The following LAMA2 variants were observed in gnomAD, a reference collection of about 807,000 sequenced individuals.
LAMA2 encodes laminin subunit alpha 2.
LAMA2 carries 269 observed loss-of-function variants against 364.8 expected under a neutral mutation model. The observed-to-expected ratio is 0.74, with a 90% CI of 0.67 to 0.82. The LOEUF is 0.82. LAMA2 is among the 40% of genes least tolerant of loss of function. The pLI is 0.00. For synonymous variants in LAMA2, 1,379 were observed against 1,370.6 expected (o/e 1.01, Z -0.14); for missense variants, 3,807 against 3,873.2 (o/e 0.98, Z 0.45).
chr6:129,483,582 G>A (rs2114843930), intron 55 of LAMA2, among the ~76,000 whole-genome samples: 1 of 152,184 alleles, frequency 6.6e-6, no homozygotes, highest in African/African-American at 2.4e-5. Context: ...ATGATATGTA[G>A]ATTCAATTAT....
intron 1 of LAMA2, among the ~76,000 whole-genome samples, chr6:129,009,170 C>T (rs1458728133): frequency 6.6e-6 from 1 of 151,986 alleles, no homozygotes; most frequent in African/African-American, 2.4e-5. Context: ...TACTATTTGA[C>T]TCTTTAGTCA....
chr6:129,028,883 A>G (rs1786024254), intron 1 of LAMA2, among the ~76,000 whole-genome samples: 1 of 151,864 alleles, frequency 6.6e-6, no homozygotes, highest in Non-Finnish European at 1.5e-5. Context: ...ACTTCTAGTC[A>G]TAAGCCGTTC....
chr6:129,427,846 A>T lies in LAMA2; in HGVS notation c.5960A>T (p.Asp1987Val). The T allele has an allele frequency of 1.2e-6, 2 of 1,607,308 alleles. No individual in the cohort carries two copies. Among genetic ancestry groups the T allele is most frequent in the Middle Eastern group, 1.7e-4 (1 of 6,052 alleles). The change falls in exon 41 of 65, where the codon GAT becomes GTT. Residue 1987 changes from aspartate to valine, a missense_variant. By Grantham distance (152) the Asp-to-Val change is radical. Coordinates refer to ENST00000421865, the MANE Select transcript of LAMA2 (RefSeq NM_000426.4). ...AACGAAGCCAAGAAGTTAGCAAATG[A>T]TGTAAAAGGTCAGTGTGGCCATAGT... ...ILNEAKKLAN[D>V]VKENEDHLNG...
At chr6:129,117,601 G>T (rs1234495629) in intron 4 of LAMA2, among the ~76,000 whole-genome samples, 1 of 152,278 alleles carries the variant, frequency 6.6e-6, no homozygotes, top group East Asian at 1.9e-4. Flanking sequence ...CAGAGAGGCG[G>T]CCCGTTGCCA....
chr6:129,209,765 A>T (rs774102532), intron 12 of LAMA2, among the ~76,000 whole-genome samples: 1 of 152,058 alleles, frequency 6.6e-6, no homozygotes, highest in African/African-American at 2.4e-5. Flanking sequence ...GCACTTTGGG[A>T]GGCTGAGGCG....
intron 4 of LAMA2, among the ~76,000 whole-genome samples, chr6:129,111,454 G>A (rs1157518846): frequency 1.3e-5 from 2 of 151,784 alleles, no homozygotes; most frequent in African/African-American, 4.8e-5. Context: ...TCAGTAATCA[G>A]AATTATTTAT....
chr6:129,266,771 T>C (rs1787546135), intron 15 of LAMA2, among the ~76,000 whole-genome samples: 1 of 152,132 alleles, frequency 6.6e-6, no homozygotes, highest in African/African-American at 2.4e-5. Flanking sequence ...TTTTTTACAG[T>C]ACTTTTTCTT....
chr6:129,391,783 G>C, intron 36 of LAMA2, 130 bp downstream of exon 36: 1 of 726,014 alleles, frequency 1.4e-6, no homozygotes, highest in Non-Finnish European at 2.4e-6. Flanking sequence ...TATTTGCTAT[G>C]TTATCTATCA....
At position 129,403,349 on chromosome 6, in the gene LAMA2, C is replaced by G. The variant is rs138801190; in HGVS notation, c.5727-472C>G. On this transcript the variant is annotated intron_variant, in intron 39 of 64. Coordinates refer to ENST00000421865, the MANE Select transcript of LAMA2 (RefSeq NM_000426.4). ...AGCTAGGTATCATCAGATCCAGGCT[C>G]TAAGTCCTTACTTGGGGACATATTG... 2.8e-3 allele frequency among the ~76,000 whole-genome samples: 429 copies of G among 152,326 alleles called. 2 individuals carry two copies. The highest frequency in any genetic ancestry group is 8.5e-3 in the African/African-American group (354 of 41,578).
chr6:129,155,224 T>C (rs1423771825), intron 8 of LAMA2, among the ~76,000 whole-genome samples: 19 of 152,198 alleles, frequency 1.2e-4, no homozygotes, highest in Admixed American at 1.2e-3. Flanking sequence ...TTTATAGTCA[T>C]ATTTTTATTT....
intron 22 of LAMA2, among the ~76,000 whole-genome samples, chr6:129,306,347 G>GT (rs1554267308): frequency 8.0e-6 from 1 of 125,388 alleles, no homozygotes; most frequent in Non-Finnish European, 1.6e-5. Context: ...CCAGAAAGGT[G>GT]TTTTTTTTTT....
intron 9 of LAMA2, among the ~76,000 whole-genome samples, chr6:129,174,958 T>C (rs1244168781): frequency 6.6e-6 from 1 of 152,224 alleles, no homozygotes. Flanking sequence ...AAAGTTAAGA[T>C]AGACATTGTT....
At chr6:129,294,951 T>A (rs1789981539) in intron 20 of LAMA2, among the ~76,000 whole-genome samples, 1 of 152,218 alleles carries the variant, frequency 6.6e-6, no homozygotes, top group African/African-American at 2.4e-5. Flanking sequence ...TTAAAATGTC[T>A]CCTAAATATA....
At chr6:129,431,106 G>A (rs1331131599) in intron 41 of LAMA2, among the ~76,000 whole-genome samples, 1 of 151,950 alleles carries the variant, frequency 6.6e-6, no homozygotes, top group African/African-American at 2.4e-5. Flanking sequence ...AAAAATAATA[G>A]GTAACATGTT....
chr6:129,174,650 C>A (rs575111880), intron 9 of LAMA2, among the ~76,000 whole-genome samples: 3 of 152,220 alleles, frequency 2.0e-5, no homozygotes, highest in Admixed American at 2.0e-4. Context: ...TAAAACCATG[C>A]TCCCTGAACT....
intron 4 of LAMA2, among the ~76,000 whole-genome samples, chr6:129,101,914 T>C (rs997631251): frequency 6.6e-6 from 1 of 152,242 alleles, no homozygotes; most frequent in Non-Finnish European, 1.5e-5. Flanking sequence ...AACTTTTTAC[T>C]GTATACACTA....
At chr6:129,197,827 A>G (rs1467591726) in intron 12 of LAMA2, among the ~76,000 whole-genome samples, 1 of 152,204 alleles carries the variant, frequency 6.6e-6, no homozygotes. Context: ...AGTAACACAA[A>G]TGCAGGAGCT....
At chr6:129,502,810 A>T (rs758689472) in intron 59 of LAMA2, 39 bp downstream of exon 59, 5 of 1,275,148 alleles carry the variant, frequency 3.9e-6, no homozygotes, top group Admixed American at 1.7e-5. Context: ...GAACCGATAA[A>T]TGAAGAACTG....
At chr6:128,929,694 A>G (rs1330623436) in intron 1 of LAMA2, 3 of 1,402,332 alleles carry the variant, frequency 2.1e-6, no homozygotes, top group Non-Finnish European at 3.0e-6. Context: ...ATCAAGGGCA[A>G]TCACCCGATG....
Sources: gnomAD v4.1 joint callset for allele counts (sites outside exome capture counted in the v4.1 genomes callset) on GRCh38, gnomAD v4.1.1 for gene constraint, MANE v1.5 for transcripts, NCBI Gene and HGNC (gene_info 2026-07-23, HGNC 2026-07-21) for gene names.